Variants in CERT1 observed in about 807,000 individuals in gnomAD.
CERT1 encodes the protein ceramide transporter 1, also known as ceramide transfer protein.
Under a neutral mutation model 87.9 loss-of-function variants are expected in CERT1, and 31 were observed. The observed-to-expected ratio is 0.35, with a 90% CI of 0.27 to 0.48. The LOEUF (loss-of-function observed/expected upper bound fraction) is 0.48, where lower values mean the gene tolerates loss of function less well. Ranked by LOEUF, CERT1 falls within the 20% of genes least tolerant of loss-of-function variation. The probability of loss-of-function intolerance (pLI) is 0.99; values close to 1 mark genes in which losing one functional copy is unlikely to be tolerated. For synonymous variants in CERT1, 289 were observed against 250.9 expected (o/e 1.15, Z -1.44); for missense variants, 487 against 758.0 (o/e 0.64, Z 4.20).
At chr5:75,464,327 C>T (rs1339545815) in intron 2 of CERT1, among the ~76,000 whole-genome samples, 1 of 149,272 alleles carries the variant, frequency 6.7e-6, no homozygotes, top group East Asian at 2.0e-4. Flanking sequence ...CCCCACATGC[C>T]CATCCCAAGC....
At chr5:75,474,964 C>T (rs1765894595) in intron 2 of CERT1, among the ~76,000 whole-genome samples, 1 of 151,746 alleles carries the variant, frequency 6.6e-6, no homozygotes, top group African/African-American at 2.4e-5. Context: ...ACTGGGCAGG[C>T]TAATGACACA....
rs559774359 is a variant in CERT1, at chr5:75,419,524, G to C, written c.596-100C>G. The C allele has an allele frequency of 7.7e-6, 6 of 782,326 alleles. No homozygotes were observed. In the East Asian group the frequency reaches 1.7e-4, roughly 22 times the overall value. 48.5% of individuals were successfully genotyped at this position (782,326 alleles called of 1,614,324 possible). ...TCATTTTACTCTGGATTCTGATTCT[G>C]AGTATGAAGTCTTACTCATCTTTGT... On this transcript the variant is annotated intron_variant, in intron 5 of 16. Coordinates refer to ENST00000643780, the MANE Select transcript of CERT1 (RefSeq NM_001379029.1).
chr5:75,459,898 G>GT (rs1398434505), intron 2 of CERT1, among the ~76,000 whole-genome samples: 1 of 144,280 alleles, frequency 6.9e-6, no homozygotes, highest in African/African-American at 2.6e-5. Context: ...GGAGGCCGAG[G>GT]TTTCAGTGAG....
intron 2 of CERT1, among the ~76,000 whole-genome samples, chr5:75,489,682 G>A (rs1205893915): frequency 6.6e-6 from 1 of 152,208 alleles, no homozygotes; most frequent in Non-Finnish European, 1.5e-5. Flanking sequence ...AAACCACAAT[G>A]AGATACCATC....
Position 75,389,779 on chromosome 5 carries a change from G to A in CERT1, c.1189-92C>T. The A allele has an allele frequency of 9.4e-6, 9 of 954,566 alleles. No individual in the cohort carries two copies. The South Asian group carries it at 1.2e-4, about 13-fold the overall frequency. The allele number at this position is 954,566 out of a possible 1,614,324, so 59.1% of individuals were successfully genotyped here. On this transcript the variant is annotated intron_variant, in intron 11 of 16. Coordinates refer to ENST00000643780, the MANE Select transcript of CERT1 (RefSeq NM_001379029.1). ...CTTCAGTTAACTTCAGTTCAGAAAT[G>A]GTGCTCTTAGTAGCTGAGCAACCAA... is the stretch of plus-strand genomic sequence containing the variant.
At chr5:75,406,532 T>C (rs1004821121) in intron 8 of CERT1, among the ~76,000 whole-genome samples, 5 of 152,020 alleles carry the variant, frequency 3.3e-5, no homozygotes, top group Non-Finnish European at 7.4e-5. Flanking sequence ...TGCCCTACAT[T>C]ATGGTAAGTC....
Position 75,385,942 on chromosome 5 carries a change from G to T in CERT1, c.1377C>A (p.Cys459Ter). The T allele has an allele frequency of 6.3e-7, 1 of 1,575,198 alleles. No individual in the cohort carries two copies. The highest frequency in any genetic ancestry group is 2.3e-5 in the East Asian group (1 of 43,394). Reference sequence around the variant, plus strand: ...GAACGTCAACATTCCAGAAATAATTGCAGACTTCATGTCCTGTGACGCCTT... The same window carrying T: ...GAACGTCAACATTCCAGAAATAATTTCAGACTTCATGTCCTGTGACGCCTT... Reference protein sequence around the residue: ...AVKGVTGHEVCNYFWNVDVRN... With the variant: ...AVKGVTGHEV Residue 459 changes from cysteine to a stop codon, truncating the protein, a stop_gained, in exon 13 of 17, where the codon TGC (cysteine) becomes TGA (stop). Coordinates refer to ENST00000643780, the MANE Select transcript of CERT1 (RefSeq NM_001379029.1). LOFTEE classifies it high-confidence loss of function.
chr5:75,493,490 C>A (rs780216079), intron 2 of CERT1, among the ~76,000 whole-genome samples: 1 of 152,198 alleles, frequency 6.6e-6, no homozygotes, highest in South Asian at 2.1e-4. Context: ...AGAATGTAGG[C>A]ATCAGCCATT....
rs147913885 is a variant in CERT1, at chr5:75,396,589, T to C, written c.1188+2721A>G. Among the ~76,000 whole-genome samples the C allele has an allele frequency of 2.1e-3, 313 of 151,126 alleles. 1 individual carries two copies. The East Asian group carries it at 0.027, about 13-fold the overall frequency. On this transcript the variant is annotated intron_variant, in intron 11 of 16. Coordinates refer to ENST00000643780, the MANE Select transcript of CERT1 (RefSeq NM_001379029.1). ...TAAAAATGAAAAAAAATTAGCTGGG[T>C]GTGGTGGCAGGTGCCTGTAATCCCA...
intron 11 of CERT1, among the ~76,000 whole-genome samples, chr5:75,391,204 A>G (rs1253131984): frequency 1.3e-5 from 2 of 152,090 alleles, no homozygotes; most frequent in Non-Finnish European, 2.9e-5. Flanking sequence ...TGATCTTCCC[A>G]CCTTGGCCTC....
At chr5:75,401,338 A>G (rs1445000360) in intron 9 of CERT1, 1 of 152,216 alleles carries the variant, frequency 6.6e-6, no homozygotes, top group Non-Finnish European at 1.5e-5. Flanking sequence ...TCAGTAGAGT[A>G]GCATTTTAGA....
chr5:75,378,668 T>C lies in CERT1; in HGVS notation c.*678A>G, dbSNP rs1386178260. 6.6e-6 allele frequency: 1 copy of C among 152,202 alleles called. No individual in the cohort carries two copies. The highest frequency in any genetic ancestry group is 1.5e-5 in the Non-Finnish European group (1 of 68,044). 9.4% of individuals were successfully genotyped at this position (152,202 alleles called of 1,614,324 possible). On this transcript the variant is annotated 3_prime_UTR_variant, in exon 17 of 17. Transcript: ENST00000643780. Reference sequence around the variant, plus strand: ...GTTATAAAACAAGAATTTTGTATAATAGTAAGTATAAACATTTTAACATTC... The same window carrying C: ...GTTATAAAACAAGAATTTTGTATAACAGTAAGTATAAACATTTTAACATTC...
At chr5:75,405,446 T>C (rs1460631944) in intron 8 of CERT1, among the ~76,000 whole-genome samples, 2 of 152,160 alleles carry the variant, frequency 1.3e-5, no homozygotes, top group Non-Finnish European at 2.9e-5. Flanking sequence ...AGCCAGACCA[T>C]CTCTCTTCTA....
At chr5:75,479,735 A>G (rs989121111) in intron 2 of CERT1, among the ~76,000 whole-genome samples, 7 of 152,096 alleles carry the variant, frequency 4.6e-5, no homozygotes, top group Non-Finnish European at 8.8e-5. Flanking sequence ...TATTGTGAAT[A>G]GTGCTGCAAT....
chr5:75,426,071 C>CCACACTGACTGG (rs1763606243), intron 4 of CERT1, among the ~76,000 whole-genome samples: 1 of 152,162 alleles, frequency 6.6e-6, no homozygotes, highest in African/African-American at 2.4e-5. Flanking sequence ...GATTATTAAT[C>CCACACTGACTGG]TGTGGATACT....
chr5:75,415,314 A>C (rs1309890233), intron 7 of CERT1, among the ~76,000 whole-genome samples: 1 of 152,218 alleles, frequency 6.6e-6, no homozygotes, highest in Admixed American at 6.5e-5. Flanking sequence ...AAAACACAGT[A>C]GTGTCCAGAT....
intron 2 of CERT1, among the ~76,000 whole-genome samples, chr5:75,491,765 T>C (rs1316084024): frequency 1.3e-5 from 2 of 152,212 alleles, no homozygotes; most frequent in Non-Finnish European, 2.9e-5. Flanking sequence ...CAAAATGATA[T>C]AGATGTGAAG....
At chr5:75,459,889 G>A (rs112802061) in intron 2 of CERT1, among the ~76,000 whole-genome samples, 2,335 of 150,630 alleles carry the variant, frequency 0.016, 33 homozygotes, top group Middle Eastern at 0.041. Context: ...TTAAACCCGG[G>A]AGGCCGAGGT....
chr5:75,461,829 A>AT, intron 2 of CERT1, among the ~76,000 whole-genome samples: 1 of 152,040 alleles, frequency 6.6e-6, no homozygotes, highest in South Asian at 2.1e-4. Flanking sequence ...GTGAAAAAAA[A>AT]AAAAAAAACG....
Sources: gnomAD v4.1 joint callset for allele counts (sites outside exome capture counted in the v4.1 genomes callset) on GRCh38, gnomAD v4.1.1 for gene constraint, MANE v1.5 for transcripts, NCBI Gene and HGNC (gene_info 2026-07-23, HGNC 2026-07-21) for gene names.